The following ATG10 variants were observed in gnomAD, a reference collection of about 807,000 sequenced individuals.
The protein encoded by ATG10 is ubiquitin-like-conjugating enzyme ATG10.
ATG10 carries 30 observed loss-of-function variants against 32.1 expected under a neutral mutation model. The ratio of observed to expected loss-of-function variants is 0.94; its 90% CI spans 0.70 to 1.27. The LOEUF (loss-of-function observed/expected upper bound fraction) is 1.27. Among genes scored for constraint, ATG10 ranks in the 50% most tolerant of loss-of-function variants. The pLI, the probability that ATG10 is intolerant of heterozygous loss-of-function variation, is 0.00. For synonymous variants in ATG10, 87 were observed against 91.5 expected (o/e 0.95, Z 0.28); for missense variants, 233 against 262.3 (o/e 0.89, Z 0.77).
At position 82,022,629 on chromosome 5, in the gene ATG10, CT is replaced by C. The variant is rs34410757; in HGVS notation, c.108+34969del. Among the ~76,000 whole-genome samples the C allele has an allele frequency of 8.9e-3, 1,201 of 135,168 alleles. 4 individuals carry two copies. Among genetic ancestry groups the C allele is most frequent in the African/African-American group, 0.014 (512 of 36,494 alleles). The allele number at this position is 135,168 out of a possible 152,430, so 88.7% of individuals were successfully genotyped here. A position where few individuals can be genotyped will look rare whatever the true frequency, so the allele number is the denominator to read the frequency against. On this transcript the variant is annotated intron_variant, in intron 2 of 7. Coordinates refer to ENST00000282185, the MANE Select transcript of ATG10 (RefSeq NM_031482.5). The stretch of plus-strand genomic sequence containing the variant: ...TGAATCACCATGCCCAGCCAGTACT[CT>C]TTTTTTTTTTTTTTTTTAAAGAGGA...
At chr5:82,202,116 T>C (rs1745092486) in intron 5 of ATG10, among the ~76,000 whole-genome samples, 1 of 152,188 alleles carries the variant, frequency 6.6e-6, no homozygotes, top group Admixed American at 6.5e-5. Context: ...TCTTGCCACA[T>C]TGCACTGGCT....
intron 2 of ATG10, among the ~76,000 whole-genome samples, chr5:81,988,301 T>C (rs1666867533): frequency 6.6e-6 from 1 of 151,984 alleles, no homozygotes; most frequent in South Asian, 2.1e-4. Context: ...CACACCTGCC[T>C]AAATTTTTTG....
chr5:82,254,820 A>C lies in ATG10; in HGVS notation c.*757A>C, dbSNP rs1273237487. 1 of 151,842 alleles carries C rather than the reference A, an allele frequency of 6.6e-6. No individual in the cohort carries two copies. Among genetic ancestry groups the C allele is most frequent in the Admixed American group, 6.6e-5 (1 of 15,210 alleles). The allele number at this position is 151,842 out of a possible 1,614,324, so 9.4% of individuals were successfully genotyped here. A position where few individuals can be genotyped will look rare whatever the true frequency, so the allele number is the denominator to read the frequency against. ...GGTGTTATAAACATGACCTATCTTA[A>C]GTGATTTTCCCACAATCAAACTCAG... On this transcript the variant is annotated 3_prime_UTR_variant, in exon 8 of 8. Coordinates refer to ENST00000282185, the MANE Select transcript of ATG10 (RefSeq NM_031482.5).
At chr5:82,011,541 C>G (rs1762127506) in intron 2 of ATG10, among the ~76,000 whole-genome samples, 1 of 152,206 alleles carries the variant, frequency 6.6e-6, no homozygotes, top group African/African-American at 2.4e-5. Flanking sequence ...GTCTCCTTAG[C>G]TAAGCACGCA....
At chr5:82,196,590 C>T (rs1744859843) in intron 5 of ATG10, among the ~76,000 whole-genome samples, 1 of 152,110 alleles carries the variant, frequency 6.6e-6, no homozygotes, top group Admixed American at 6.6e-5. Flanking sequence ...CAAATTCATT[C>T]TTTTGCATGT....
Position 81,979,515 on chromosome 5 carries a change from G to A in ATG10, c.-13+7209G>A, listed in dbSNP as rs549032731. ...TGCACTCCAGCCTGGGCAACAGAGC[G>A]ACACTCCGTCTCAAAAAAAAAATGT... On this transcript the variant is annotated intron_variant, in intron 1 of 7. Transcript: ENST00000282185. 1.2e-3 allele frequency among the ~76,000 whole-genome samples: 177 copies of A among 152,056 alleles called. 2 individuals carry two copies. The highest frequency in any genetic ancestry group is 2.2e-3 in the Admixed American group (34 of 15,266).
intron 5 of ATG10, among the ~76,000 whole-genome samples, chr5:82,202,441 T>G (rs575707131): frequency 7.2e-5 from 11 of 152,336 alleles, no homozygotes; most frequent in African/African-American, 2.2e-4. Flanking sequence ...ACTTTTGACT[T>G]GCCAGACATC....
intron 5 of ATG10, among the ~76,000 whole-genome samples, chr5:82,250,024 A>G (rs1056811867): frequency 6.6e-6 from 1 of 152,230 alleles, no homozygotes; most frequent in Admixed American, 6.5e-5. Context: ...TCATTTCATT[A>G]AAGTCAACAT....
intron 3 of ATG10, among the ~76,000 whole-genome samples, chr5:82,113,887 G>A (rs915698669): frequency 6.6e-6 from 1 of 151,922 alleles, no homozygotes; most frequent in Non-Finnish European, 1.5e-5. Flanking sequence ...TATTAAGGAT[G>A]TGAGCACTTT....
chr5:82,236,114 T>C (rs1287329286), intron 5 of ATG10, among the ~76,000 whole-genome samples: 1 of 152,184 alleles, frequency 6.6e-6, no homozygotes, highest in Admixed American at 6.5e-5. Flanking sequence ...TAGGACTAAA[T>C]GTTCATTTCT....
intron 3 of ATG10, among the ~76,000 whole-genome samples, chr5:82,080,610 T>G (rs1299328976): frequency 6.6e-6 from 1 of 152,244 alleles, no homozygotes; most frequent in African/African-American, 2.4e-5. Flanking sequence ...CACCATTTAT[T>G]AAATAGGAAA....
intron 6 of ATG10, 34 bp downstream of exon 6, chr5:82,252,693 C>A: frequency 7.9e-7 from 1 of 1,271,152 alleles, no homozygotes; most frequent in Non-Finnish European, 1.1e-6. Flanking sequence ...TTGGCTTCTA[C>A]TCTGATTTTA....
At chr5:82,161,967 CAG>C (rs1468220954) in intron 3 of ATG10, among the ~76,000 whole-genome samples, 10 of 151,854 alleles carry the variant, frequency 6.6e-5, no homozygotes, top group Non-Finnish European at 1.0e-4. Context: ...AAGCTATAAA[CAG>C]AAAATGTACA....
At chr5:82,014,400 C>T (rs199975178) in intron 2 of ATG10, among the ~76,000 whole-genome samples, 4 of 152,070 alleles carry the variant, frequency 2.6e-5, no homozygotes, top group African/African-American at 9.7e-5. Flanking sequence ...CTTTCTGTCT[C>T]GTTGATCTGT....
chr5:82,011,619 T>C (rs1581596102), intron 2 of ATG10, among the ~76,000 whole-genome samples: 1 of 152,366 alleles, frequency 6.6e-6, no homozygotes, highest in East Asian at 1.9e-4. Context: ...CATTTGTGCA[T>C]AGCTTAATTG....
At chr5:82,060,366 A>G (rs965971586) in intron 3 of ATG10, among the ~76,000 whole-genome samples, 1 of 152,226 alleles carries the variant, frequency 6.6e-6, no homozygotes, top group African/African-American at 2.4e-5. Flanking sequence ...TAATTTTAAT[A>G]AAAGTAAATT....
At chr5:82,029,514 A>T (rs756384427) in intron 2 of ATG10, among the ~76,000 whole-genome samples, 9 of 152,210 alleles carry the variant, frequency 5.9e-5, no homozygotes, top group Non-Finnish European at 1.3e-4. Flanking sequence ...TCCCAAATTC[A>T]GCAGCTTAAG....
chr5:82,037,427 T>G (rs1762965077), intron 2 of ATG10, among the ~76,000 whole-genome samples: 2 of 148,662 alleles, frequency 1.3e-5, no homozygotes, highest in South Asian at 4.3e-4. Flanking sequence ...TTTTGTATTT[T>G]TAGTAGAGAC....
chr5:82,076,752 C>G (rs1295919644), intron 3 of ATG10, among the ~76,000 whole-genome samples: 1 of 152,092 alleles, frequency 6.6e-6, no homozygotes, highest in Non-Finnish European at 1.5e-5. Flanking sequence ...GAATAGTAGA[C>G]TAAATTGGAC....
Sources: allele counts gnomAD v4.1 joint callset (sites outside exome capture counted in the v4.1 genomes callset), GRCh38; gene constraint gnomAD v4.1.1; transcripts MANE v1.5; gene names NCBI Gene and HGNC (gene_info 2026-07-23, HGNC 2026-07-21).